Variants in NLRC4 observed in about 807,000 individuals in gnomAD.
NLRC4 encodes NLR family CARD domain containing 4, also known as NLR family CARD domain-containing protein 4.
A neutral mutation model predicts 79.9 loss-of-function variants in NLRC4; 63 were observed. The observed-to-expected ratio is 0.79, with a 90% CI of 0.64 to 0.97. NLRC4 has a LOEUF of 0.97. NLRC4 is among the 50% of genes least tolerant of loss of function. NLRC4 has a pLI of 0.00. For missense variants in NLRC4, 1,074 were observed against 1,215.2 expected (o/e 0.88, Z 1.73); for synonymous variants, 461 against 456.5 (o/e 1.01, Z -0.12).
intron 4 of NLRC4, among the ~76,000 whole-genome samples, chr2:32,248,535 C>G (rs1686991387): frequency 6.6e-6 from 1 of 152,172 alleles, no homozygotes; most frequent in Non-Finnish European, 1.5e-5. Flanking sequence ...ATAAACTGTC[C>G]TAGGCTGGGC....
chr2:32,225,852 C>T (rs1367989375), intron 8 of NLRC4, among the ~76,000 whole-genome samples: 1 of 152,146 alleles, frequency 6.6e-6, no homozygotes, highest in South Asian at 2.1e-4. Flanking sequence ...CTTAGTGTAC[C>T]TCACCCAACT....
chr2:32,259,845 C>T (rs1687297320), intron 1 of NLRC4, among the ~76,000 whole-genome samples: 2 of 150,460 alleles, frequency 1.3e-5, no homozygotes, highest in Admixed American at 6.7e-5. Context: ...TCATTCCACA[C>T]AATGTCTGTG....
chr2:32,229,572 A>C (rs1422865077), intron 8 of NLRC4, among the ~76,000 whole-genome samples: 1 of 152,200 alleles, frequency 6.6e-6, no homozygotes, highest in African/African-American at 2.4e-5. Flanking sequence ...AAATTTTGGG[A>C]GTCAAGCAAA....
At chr2:32,227,696 G>C (rs866838189) in intron 8 of NLRC4, among the ~76,000 whole-genome samples, 2 of 152,184 alleles carry the variant, frequency 1.3e-5, no homozygotes, top group Non-Finnish European at 2.9e-5. Flanking sequence ...CAATTTAAGA[G>C]AGTTTCTTAG....
chr2:32,233,355 T>A lies in NLRC4; in HGVS notation c.2782+2046A>T, dbSNP rs868809352. ...TATATATATATATATATATATTTTTTTTTTTTTTTTTTTAATTGTAGAGAC... is the reference window on the plus strand; with the variant it reads ...TATATATATATATATATATATTTTTATTTTTTTTTTTTTAATTGTAGAGAC... On this transcript the variant is annotated intron_variant, in intron 8 of 8. Coordinates refer to ENST00000402280, the MANE Select transcript of NLRC4 (RefSeq NM_001199138.2). Among the ~76,000 whole-genome samples, 940 of 96,714 alleles carry A rather than the reference T, an allele frequency of 9.7e-3. 1 individual carries two copies. The highest frequency in any genetic ancestry group is 0.025 in the African/African-American group (584 of 22,920). The allele number at this position is 96,714 out of a possible 152,430, so 63.4% of individuals were successfully genotyped here.
In NLRC4 at chr2:32,250,298, G is replaced by A. The variant is rs1362347355; in HGVS notation, c.1566C>T (p.Ser522=). The A allele has an allele frequency of 2.5e-6, 4 of 1,614,060 alleles. No individual in the cohort carries two copies. Among genetic ancestry groups the A allele is most frequent in the African/African-American group, 2.7e-5 (2 of 74,918 alleles). Reference sequence around the variant, plus strand: ...GTCTCCAGAGAGGCCTCTTGGCGATGGAAAGTCCGAGAAGGCAGCCGTGTT... The same window carrying A: ...GTCTCCAGAGAGGCCTCTTGGCGATAGAAAGTCCGAGAAGGCAGCCGTGTT... ...VYQHGCLLGL[S]IAKRPLWRQE... Residue 522 remains serine, a synonymous_variant, in exon 4 of 9, where the codon TCC becomes TCT. Transcript: ENST00000402280. The surrounding 1 kb of genome is among the most constrained non-coding windows in gnomAD (Gnocchi z 4.9).
At chr2:32,255,472 A>G (rs984360418) in intron 2 of NLRC4, among the ~76,000 whole-genome samples, 32 of 147,854 alleles carry the variant, frequency 2.2e-4, no homozygotes, top group African/African-American at 7.0e-4. Flanking sequence ...GTGAGCCCAG[A>G]TGGCGCCATT....
intron 8 of NLRC4, among the ~76,000 whole-genome samples, chr2:32,233,339 ATATATATATATTTTT>A (rs1323953713): frequency 4.5e-5 from 2 of 43,972 alleles, no homozygotes; most frequent in Admixed American, 5.1e-4. Context: ...ATATATATAT[ATATATATATATTTTT>A]TTTTTTTTTT....
intron 1 of NLRC4, among the ~76,000 whole-genome samples, chr2:32,259,956 C>T (rs748780049): frequency 3.3e-5 from 5 of 152,058 alleles, no homozygotes; most frequent in African/African-American, 7.2e-5. Context: ...TGGCCGGGCA[C>T]GGTGGCTCAC....
intron 5 of NLRC4, 41 bp downstream of exon 5, chr2:32,240,992 T>C (rs760754832): frequency 4.7e-6 from 6 of 1,276,346 alleles, no homozygotes; most frequent in Middle Eastern, 1.9e-4. Context: ...CCTCTTATTA[T>C]CAAACTTACA....
At position 32,251,174 on chromosome 2, in the gene NLRC4, C is replaced by CT; in HGVS notation, c.689dup (p.Thr231AspfsTer18). 1 of 1,614,220 alleles carries CT rather than the reference C, an allele frequency of 6.2e-7. No individual in the cohort carries two copies. Among genetic ancestry groups the CT allele is most frequent in the Non-Finnish European group, 8.5e-7 (1 of 1,180,038 alleles). On this transcript the variant is annotated frameshift_variant, in exon 4 of 9. Coordinates refer to ENST00000402280, the MANE Select transcript of NLRC4 (RefSeq NM_001199138.2). LOFTEE classifies it high-confidence loss of function. ...GCTTCAGCAGCATGGCCATGAATGT[C>CT]TGCTTCCTGATTGTGCCAGGTATAT...
chr2:32,224,802 ATTT>A (rs3832075), intron 8 of NLRC4, 37 bp from the exon 9 acceptor site: 306 of 1,154,532 alleles, frequency 2.7e-4, no homozygotes, highest in African/African-American at 9.7e-4. Flanking sequence ...TGGAAGAAAA[ATTT>A]TTTTTAAAAA....
chr2:32,245,046 A>C (rs1177625615), intron 4 of NLRC4, among the ~76,000 whole-genome samples: 1 of 151,984 alleles, frequency 6.6e-6, no homozygotes, highest in African/African-American at 2.4e-5. Flanking sequence ...ACGGTGGCTC[A>C]TGCCTGTAAT....
In NLRC4 at chr2:32,247,232, G is replaced by T. The variant is rs1269019317; in HGVS notation, c.2257+2375C>A. 2.6e-5 allele frequency among the ~76,000 whole-genome samples: 4 copies of T among 152,294 alleles called. No individual in the cohort carries two copies. The South Asian group carries it at 8.3e-4, about 32-fold the overall frequency. On this transcript the variant is annotated intron_variant, in intron 4 of 8. Coordinates refer to ENST00000402280, the MANE Select transcript of NLRC4 (RefSeq NM_001199138.2). ...GGTGCCACTTGGCAGGGAAGGACTGGGTATTGGGTAGAGATGGGGGTGCTC... is the reference window on the plus strand; with the variant it reads ...GGTGCCACTTGGCAGGGAAGGACTGTGTATTGGGTAGAGATGGGGGTGCTC...
intron 6 of NLRC4, among the ~76,000 whole-genome samples, chr2:32,237,502 AC>A (rs1686699782): frequency 6.6e-6 from 1 of 152,226 alleles, no homozygotes. Context: ...ATATTAGTAT[AC>A]AAATGGCTTC....
At chr2:32,249,275 A>G (rs1257420420) in intron 4 of NLRC4, among the ~76,000 whole-genome samples, 1 of 152,132 alleles carries the variant, frequency 6.6e-6, no homozygotes, top group Non-Finnish European at 1.5e-5. Flanking sequence ...CTAAATCTCC[A>G]CCCCAAAGTG....
At chr2:32,247,408 A>G (rs1329020512) in intron 4 of NLRC4, among the ~76,000 whole-genome samples, 1 of 147,382 alleles carries the variant, frequency 6.8e-6, no homozygotes, top group African/African-American at 2.5e-5. Context: ...TCCACCTCCC[A>G]GGTTCAAGTG....
chr2:32,244,658 C>A (rs1386860482), intron 4 of NLRC4, among the ~76,000 whole-genome samples: 1 of 152,112 alleles, frequency 6.6e-6, no homozygotes, highest in Non-Finnish European at 1.5e-5. Context: ...CTACAACACC[C>A]CCTTCTGCAA....
rs1687059893 is a variant in NLRC4, at chr2:32,250,933, C to T, written c.931G>A (p.Glu311Lys). The change falls in exon 4 of 9, where the codon GAA becomes AAA. Residue 311 changes from glutamate to lysine, a missense_variant. Glu to Lys is a moderately conservative substitution (Grantham distance 56). Transcript: ENST00000402280. The surrounding 1 kb of genome is among the most constrained non-coding windows in gnomAD (Gnocchi z 4.9). Reference sequence around the variant, plus strand: ...TCAGCAAGCTCCTTGATCAGCACTTCTCGGATGAGAGCCTGGGCGCTGTCT... The same window carrying T: ...TCAGCAAGCTCCTTGATCAGCACTTTTCGGATGAGAGCCTGGGCGCTGTCT... ...TEDSAQALIREVLIKELAEGL... is the reference protein window; with the variant it reads ...TEDSAQALIRKVLIKELAEGL... The T allele has an allele frequency of 9.9e-6, 16 of 1,613,944 alleles. No homozygotes were observed. Among genetic ancestry groups the T allele is most frequent in the Non-Finnish European group, 1.4e-5 (16 of 1,180,046 alleles).
Sources: gnomAD v4.1 joint callset for allele counts (sites outside exome capture counted in the v4.1 genomes callset) on GRCh38, gnomAD v4.1.1 for gene constraint, Gnocchi (gnomAD v3.1) non-coding constraint, MANE v1.5 for transcripts, NCBI Gene and HGNC (gene_info 2026-07-23, HGNC 2026-07-21) for gene names.